Variants in DOCK2 observed in about 807,000 individuals in gnomAD.
DOCK2 encodes dedicator of cytokinesis protein 2.
Under a neutral mutation model 248.9 loss-of-function variants are expected in DOCK2, and 87 were observed. The observed-to-expected ratio is 0.35, with a 90% CI of 0.29 to 0.42. The LOEUF is 0.42. DOCK2 is among the 10% of genes least tolerant of loss of function. The pLI is 1.00. For synonymous variants in DOCK2, 805 were observed against 821.6 expected, an observed-to-expected ratio of 0.98 and a Z score of 0.35; for missense variants, 1,747 against 2,300.2, an observed-to-expected ratio of 0.76 and a Z score of 4.92.
intron 27 of DOCK2, among the ~76,000 whole-genome samples, chr5:169,859,142 G>A (rs1771041512): frequency 2.0e-5 from 3 of 152,182 alleles, no homozygotes; most frequent in South Asian, 4.1e-4. Context: ...GGAGAGGCAC[G>A]CTGACCTGAG....
intron 22 of DOCK2, among the ~76,000 whole-genome samples, chr5:169,721,513 A>G (rs974972319): frequency 3.9e-5 from 6 of 152,190 alleles, no homozygotes; most frequent in African/African-American, 1.4e-4. Flanking sequence ...AAACTAGAAA[A>G]CAGAAGTTTC....
chr5:169,866,048 T>C (rs1771532798), intron 27 of DOCK2, among the ~76,000 whole-genome samples: 1 of 143,738 alleles, frequency 7.0e-6, no homozygotes, highest in Admixed American at 6.8e-5. Flanking sequence ...GGGGGCCTGT[T>C]TTATAGCAAG....
intron 26 of DOCK2, among the ~76,000 whole-genome samples, chr5:169,804,811 G>A (rs1337981152): frequency 6.6e-6 from 1 of 152,072 alleles, no homozygotes; most frequent in Non-Finnish European, 1.5e-5. Context: ...ACAGGCATAG[G>A]GGATACAAAG....
At chr5:170,024,417 T>C (rs949602302) in intron 33 of DOCK2, among the ~76,000 whole-genome samples, 4 of 146,154 alleles carry the variant, frequency 2.7e-5, no homozygotes, top group Non-Finnish European at 5.9e-5. Flanking sequence ...AGGTCCTACG[T>C]TGCCTCAGCC....
In DOCK2 at chr5:169,698,466, T is replaced by C. The variant is rs1454467997; in HGVS notation, c.1055+17T>C. The stretch of plus-strand genomic sequence containing the variant: ...TTTTCACCCGTAAGACATTTCCCAT[T>C]TCTTTCCATTCTCTTCAACCACACC... On this transcript the variant is annotated intron_variant, in intron 11 of 51. Coordinates refer to ENST00000520908, the MANE Select transcript of DOCK2 (RefSeq NM_004946.3). The C allele has an allele frequency of 1.9e-6, 3 of 1,613,296 alleles. No homozygotes were observed. Among genetic ancestry groups the C allele is most frequent in the Non-Finnish European group, 8.5e-7 (1 of 1,179,304 alleles).
At chr5:169,858,414 G>A (rs1771008662) in intron 27 of DOCK2, among the ~76,000 whole-genome samples, 1 of 152,112 alleles carries the variant, frequency 6.6e-6, no homozygotes, top group Admixed American at 6.5e-5. Context: ...TGGTGTAGGT[G>A]GGGAGTATTG....
intron 27 of DOCK2, among the ~76,000 whole-genome samples, chr5:169,862,568 A>T (rs1278301879): frequency 6.6e-6 from 1 of 152,230 alleles, no homozygotes; most frequent in Non-Finnish European, 1.5e-5. Context: ...TGGCTTCTTA[A>T]GTATGACAAG....
chr5:169,749,101 C>T (rs2113695360), intron 23 of DOCK2, among the ~76,000 whole-genome samples: 2 of 152,372 alleles, frequency 1.3e-5, no homozygotes, highest in South Asian at 4.1e-4. Flanking sequence ...ACTAAGTTCT[C>T]TTCACATGGT....
Position 169,803,126 on chromosome 5 carries a change from A to G in DOCK2, c.2623A>G (p.Met875Val). ...GGAGCTGCTGGAGCAGAAGGATGAC[A>G]TGCAACACCAGGTCCTGGAGAGGAA... Reference protein sequence around the residue: ...LKELLEQKDDMQHQVLERKYC... With the variant: ...LKELLEQKDDVQHQVLERKYC... The change falls in exon 26 of 52, where the codon ATG becomes GTG. Residue 875 changes from methionine to valine, a missense_variant. This residue lies in a region of DOCK2 where 858 missense variants were observed against 1,183.5 expected (regional missense o/e 0.72). Coordinates refer to ENST00000520908, the MANE Select transcript of DOCK2 (RefSeq NM_004946.3). The G allele has an allele frequency of 6.2e-7, 1 of 1,614,184 alleles. No individual in the cohort carries two copies. The highest frequency in any genetic ancestry group is 8.5e-7 in the Non-Finnish European group (1 of 1,180,022).
chr5:169,891,932 G>A (rs1773308685), intron 27 of DOCK2, among the ~76,000 whole-genome samples: 1 of 149,930 alleles, frequency 6.7e-6, no homozygotes, highest in Non-Finnish European at 1.5e-5. Flanking sequence ...GGAGGCGGAG[G>A]TTGCAGTGAG....
At chr5:169,984,211 C>T (rs1778009534) in intron 28 of DOCK2, among the ~76,000 whole-genome samples, 1 of 152,154 alleles carries the variant, frequency 6.6e-6, no homozygotes, top group Non-Finnish European at 1.5e-5. Context: ...TGGACATTGA[C>T]TGTAACCCTT....
At chr5:169,646,892 T>C (rs112025664) in intron 1 of DOCK2, among the ~76,000 whole-genome samples, 98 of 152,380 alleles carry the variant, frequency 6.4e-4, no homozygotes, top group Middle Eastern at 3.4e-3. Context: ...AAACAATTCT[T>C]ACAGTCTGTT....
intron 18 of DOCK2, 37 bp from the exon 19 acceptor site, chr5:169,714,323 A>C: frequency 6.2e-7 from 1 of 1,613,866 alleles, no homozygotes; most frequent in Non-Finnish European, 8.5e-7. Flanking sequence ...CAGTTAGGCC[A>C]GTAATGATAC....
At chr5:170,061,777 C>G (rs912829366) in intron 44 of DOCK2, among the ~76,000 whole-genome samples, 2 of 152,212 alleles carry the variant, frequency 1.3e-5, no homozygotes, top group Non-Finnish European at 2.9e-5. Context: ...TGTCTTAAAG[C>G]CTGAGTCTTT....
chr5:169,828,595 C>T (rs983418704), intron 26 of DOCK2, among the ~76,000 whole-genome samples: 1 of 152,174 alleles, frequency 6.6e-6, no homozygotes, highest in African/African-American at 2.4e-5. Context: ...AGGGTATTTT[C>T]ACTGTAGGAA....
chr5:169,714,271 T>C, intron 18 of DOCK2, 60 bp downstream of exon 18: 1 of 1,608,038 alleles, frequency 6.2e-7, no homozygotes. Context: ...TGTGTGTACA[T>C]GTGTGTATGT....
intron 17 of DOCK2, among the ~76,000 whole-genome samples, chr5:169,712,662 T>C (rs781668817): frequency 8.5e-5 from 13 of 152,294 alleles, no homozygotes; most frequent in Middle Eastern, 3.4e-3. Context: ...TGACTAAGCC[T>C]GGACTCATCT....
intron 27 of DOCK2, among the ~76,000 whole-genome samples, chr5:169,955,187 C>T (rs1776813231): frequency 6.6e-6 from 1 of 152,198 alleles, no homozygotes; most frequent in African/African-American, 2.4e-5. Flanking sequence ...CGCCAGGCAG[C>T]TGCCATCAAG....
chr5:169,987,382 T>C (rs1004755575), intron 29 of DOCK2, among the ~76,000 whole-genome samples: 8 of 152,196 alleles, frequency 5.3e-5, no homozygotes, highest in Admixed American at 3.9e-4. Flanking sequence ...ACTGGGTCAG[T>C]TCTACCAAAA....
Sources: allele counts gnomAD v4.1 joint callset (sites outside exome capture counted in the v4.1 genomes callset), GRCh38; gene constraint gnomAD v4.1.1; regional missense constraint gnomAD v4.1.1; transcripts MANE v1.5; gene names NCBI Gene and HGNC (gene_info 2026-07-23, HGNC 2026-07-21).